RAP1GAP2: variants seen among roughly 807,000 people sequenced by gnomAD.
RAP1GAP2 encodes the protein RAP1 GTPase activating protein 2.
RAP1GAP2 carries 27 observed loss-of-function variants against 95.0 expected under a neutral mutation model. The observed-to-expected ratio is 0.28, with a 90% CI of 0.21 to 0.39. RAP1GAP2 has a LOEUF of 0.39. RAP1GAP2 is among the 10% of genes least tolerant of loss of function. The pLI, the probability that RAP1GAP2 is intolerant of heterozygous loss-of-function variation, is 1.00. For synonymous variants in RAP1GAP2, 373 were observed against 380.9 expected (o/e 0.98, Z 0.24); for missense variants, 771 against 970.0 (o/e 0.79, Z 2.72).
chr17:2,947,417 C>T (rs895875618), intron 3 of RAP1GAP2, among the ~76,000 whole-genome samples: 8 of 152,100 alleles, frequency 5.3e-5, no homozygotes, highest in Non-Finnish European at 7.4e-5. Context: ...AACACTGGCC[C>T]GTCCAGCCCT....
At chr17:2,920,398 C>T (rs1012345636) in intron 3 of RAP1GAP2, among the ~76,000 whole-genome samples, 1 of 152,172 alleles carries the variant, frequency 6.6e-6, no homozygotes, top group Non-Finnish European at 1.5e-5. Flanking sequence ...AGGCATGCCA[C>T]CTGCCTTTGG....
intron 2 of RAP1GAP2, among the ~76,000 whole-genome samples, chr17:2,877,965 G>A (rs1482092354): frequency 1.3e-5 from 2 of 152,122 alleles, no homozygotes; most frequent in Admixed American, 6.6e-5. Context: ...AGATGATGGT[G>A]GAGGGGGATT....
chr17:2,814,554 C>T lies in RAP1GAP2; in HGVS notation c.80+14004C>T, dbSNP rs183609079. Among the ~76,000 whole-genome samples the T allele has an allele frequency of 2.0e-4, 30 of 152,306 alleles. 1 individual carries two copies. The East Asian group carries it at 4.0e-3, about 21-fold the overall frequency. ...ACCTCAGGTCACATGCAGCTCCTCC[C>T]GCGCCGTGGGGATCTGGTGGTTTCT... On this transcript the variant is annotated intron_variant, in intron 2 of 24. Transcript: ENST00000254695.
chr17:2,956,855 G>A (rs1363459841), intron 3 of RAP1GAP2, among the ~76,000 whole-genome samples: 2 of 152,162 alleles, frequency 1.3e-5, no homozygotes, highest in South Asian at 2.1e-4. Context: ...TAGGCTGGGC[G>A]TGGTAGCTCA....
chr17:2,974,311 T>C (rs1161031493), intron 8 of RAP1GAP2, among the ~76,000 whole-genome samples: 1 of 151,356 alleles, frequency 6.6e-6, no homozygotes, highest in Non-Finnish European at 1.5e-5. Context: ...ATAGCGCCAC[T>C]GCACTCTGGC....
At chr17:2,978,656 G>T (rs185753682) in intron 8 of RAP1GAP2, among the ~76,000 whole-genome samples, 2 of 152,224 alleles carry the variant, frequency 1.3e-5, no homozygotes, top group Admixed American at 1.3e-4. Flanking sequence ...GACTTCGGCC[G>T]GGTGCTGTGG....
At chr17:2,941,386 C>T (rs564654342) in intron 3 of RAP1GAP2, among the ~76,000 whole-genome samples, 1 of 151,880 alleles carries the variant, frequency 6.6e-6, no homozygotes, top group South Asian at 2.1e-4. Context: ...CCAGCCTGGG[C>T]AACAGAGCAA....
chr17:2,794,109 A>G (rs1243370980), upstream of RAP1GAP2, among the ~76,000 whole-genome samples: 1 of 146,864 alleles, frequency 6.8e-6, no homozygotes, highest in Non-Finnish European at 1.5e-5. Flanking sequence ...AAAAAAAAAG[A>G]CATGATCTTT....
intron 2 of RAP1GAP2, chr17:2,770,528 C>G: frequency 2.5e-6 from 1 of 398,062 alleles, no homozygotes; most frequent in Non-Finnish European, 4.4e-6. Flanking sequence ...GTGAGCTCCG[C>G]ACTGGTCCAC....
intron 2 of RAP1GAP2, among the ~76,000 whole-genome samples, chr17:2,860,091 C>T (rs577083709): frequency 4.5e-4 from 68 of 152,298 alleles, no homozygotes; most frequent in Non-Finnish European, 8.7e-4. Flanking sequence ...GCTGGCTGGA[C>T]ATGAGGACTG....
intron 2 of RAP1GAP2, among the ~76,000 whole-genome samples, chr17:2,812,985 C>G (rs1181608790): frequency 1.0e-5 from 1 of 99,480 alleles, no homozygotes. Context: ...AGTGAAACTC[C>G]GTCTCAAAAA....
intron 17 of RAP1GAP2, among the ~76,000 whole-genome samples, chr17:3,009,887 G>A (rs779030086): frequency 1.3e-4 from 19 of 151,994 alleles, no homozygotes; most frequent in Non-Finnish European, 2.5e-4. Flanking sequence ...TGTGAGATGC[G>A]GTAAACAGGA....
intron 2 of RAP1GAP2, among the ~76,000 whole-genome samples, chr17:2,812,093 C>T (rs539648809): frequency 1.3e-5 from 2 of 152,270 alleles, no homozygotes; most frequent in South Asian, 4.1e-4. Context: ...GCCTACCCTG[C>T]AGACCAGAGT....
At chr17:2,835,299 A>C (rs1159868793) in intron 2 of RAP1GAP2, among the ~76,000 whole-genome samples, 2 of 152,020 alleles carry the variant, frequency 1.3e-5, no homozygotes, top group Admixed American at 6.6e-5. Flanking sequence ...GGCTCACTGC[A>C]AACTCCACCT....
intron 3 of RAP1GAP2, among the ~76,000 whole-genome samples, chr17:2,918,119 C>T (rs1439778645): frequency 1.3e-5 from 2 of 151,970 alleles, no homozygotes; most frequent in East Asian, 1.9e-4. Flanking sequence ...TAAAGTAATA[C>T]CTGAGATTGG....
chr17:2,953,006 A>G (rs2043971544), intron 3 of RAP1GAP2, among the ~76,000 whole-genome samples: 1 of 151,732 alleles, frequency 6.6e-6, no homozygotes, highest in Non-Finnish European at 1.5e-5. Flanking sequence ...GGGTTTCACT[A>G]TGTTGGCCAG....
chr17:2,948,216 A>G (rs1034466133), intron 3 of RAP1GAP2, among the ~76,000 whole-genome samples: 3 of 152,144 alleles, frequency 2.0e-5, no homozygotes, highest in African/African-American at 7.2e-5. Context: ...GGTTCTGTGA[A>G]CATGAGTGTG....
intron 1 of RAP1GAP2, among the ~76,000 whole-genome samples, chr17:2,769,269 A>G (rs1294893009): frequency 1.8e-5 from 2 of 114,102 alleles, no homozygotes; most frequent in Non-Finnish European, 3.5e-5. Context: ...AAAAAAAAAA[A>G]AAAGGTCTGG....
rs569267124 is a variant in RAP1GAP2 at position 2,933,905 on chromosome 17, G to A, written c.166-23854G>A. Among the ~76,000 whole-genome samples the A allele has an allele frequency of 1.2e-4, 18 of 152,390 alleles. No homozygotes were observed. The South Asian group carries it at 1.2e-3, about 11-fold the overall frequency. On this transcript the variant is annotated intron_variant, in intron 3 of 24. Coordinates refer to ENST00000254695, the MANE Select transcript of RAP1GAP2 (RefSeq NM_015085.5). ...AAGCCTGCCTTGGAGAGTCTGTGGC[G>A]TAGGAACCTTACGCCTTAACCAGCG...
Sources: allele counts gnomAD v4.1 joint callset (sites outside exome capture counted in the v4.1 genomes callset), GRCh38; gene constraint gnomAD v4.1.1; transcripts MANE v1.5; gene names NCBI Gene and HGNC (gene_info 2026-07-23, HGNC 2026-07-21).